Variants in IL10RB observed in about 807,000 individuals in gnomAD.
IL10RB encodes the protein interleukin-10 receptor subunit beta.
In IL10RB, 30 loss-of-function variants were observed where a neutral mutation model predicts 38.7. That is an observed-to-expected ratio of 0.78 (90% CI 0.58 to 1.05). The LOEUF (loss-of-function observed/expected upper bound fraction) is 1.05, where lower values mean the gene tolerates loss of function less well. IL10RB is among the 50% of genes least tolerant of loss of function. IL10RB has a pLI of 0.00. For synonymous variants in IL10RB, 142 were observed against 145.9 expected (o/e 0.97, Z 0.19); for missense variants, 328 against 397.1 (o/e 0.83, Z 1.48).
At chr21:33,276,102 A>C (rs561588502) in intron 2 of IL10RB, among the ~76,000 whole-genome samples, 2 of 152,256 alleles carry the variant, frequency 1.3e-5, no homozygotes, top group Non-Finnish European at 2.9e-5. Context: ...GTAAAATGCA[A>C]TATCTGTGAA....
Position 33,266,683 on chromosome 21 carries a change from T to C in IL10RB, c.49+169T>C, listed in dbSNP as rs1440911317. Among the ~76,000 whole-genome samples, 4 of 152,208 alleles carry C rather than the reference T, an allele frequency of 2.6e-5. No homozygotes were observed. In the East Asian group the frequency reaches 7.7e-4, roughly 29 times the overall value. ...TGCTGAGACGCAACTAGGCTGCTGC[T>C]GCCGTCGATTCTGTAACAGGAGAAA... On this transcript the variant is annotated intron_variant, in intron 1 of 6. Coordinates refer to ENST00000290200, the MANE Select transcript of IL10RB (RefSeq NM_000628.5).
chr21:33,300,702 T>C (rs2082983817), downstream of IL10RB, among the ~76,000 whole-genome samples: 1 of 152,150 alleles, frequency 6.6e-6, no homozygotes, highest in African/African-American at 2.4e-5. Context: ...AATGACCTCA[T>C]AAAAGAGGAG....
chr21:33,268,405 GT>G lies in IL10RB; in HGVS notation c.62del (p.Val21AspfsTer9). The G allele has an allele frequency of 6.2e-7, 1 of 1,613,744 alleles. No homozygotes were observed. On this transcript the variant is annotated frameshift_variant, in exon 2 of 7. Coordinates refer to ENST00000290200, the MANE Select transcript of IL10RB (RefSeq NM_000628.5). LOFTEE classifies it high-confidence loss of function. ...GCLLVSALGM[V>X]PPPENVRMNS... ...TCTTATTTTCATAGCATTGGGAATG[GT>G]ACCACCTCCCGAAAATGTCAGAATG... is the stretch of plus-strand genomic sequence containing the variant.
chr21:33,285,614 G>A (rs1173864893), intron 5 of IL10RB, among the ~76,000 whole-genome samples: 1 of 152,174 alleles, frequency 6.6e-6, no homozygotes, highest in African/African-American at 2.4e-5. Flanking sequence ...TGTTTAAGAT[G>A]CTAAGATGCC....
intron 3 of IL10RB, among the ~76,000 whole-genome samples, chr21:33,279,529 C>T (rs1339850043): frequency 6.6e-6 from 1 of 152,094 alleles, no homozygotes; most frequent in Non-Finnish European, 1.5e-5. Context: ...CCACAATAAA[C>T]ATAAGTGGAC....
At chr21:33,281,311 C>T (rs1250272045) in intron 4 of IL10RB, among the ~76,000 whole-genome samples, 1 of 152,200 alleles carries the variant, frequency 6.6e-6, no homozygotes, top group African/African-American at 2.4e-5. Flanking sequence ...GCAGATTGCT[C>T]CCCTCCGGGA....
chr21:33,296,020 G>T (rs2082964352), intron 6 of IL10RB, among the ~76,000 whole-genome samples, 164 bp from the exon 7 acceptor site: 1 of 151,900 alleles, frequency 6.6e-6, no homozygotes, highest in East Asian at 1.9e-4. Context: ...CTCCAGCCTG[G>T]GTGACAGAGC....
At chr21:33,295,106 C>T (rs2082958561) in intron 6 of IL10RB, among the ~76,000 whole-genome samples, 2 of 152,182 alleles carry the variant, frequency 1.3e-5, no homozygotes, top group Non-Finnish European at 2.9e-5. Flanking sequence ...TGGCTCACGC[C>T]TGTAATCCCA....
Position 33,269,814 on chromosome 21 carries a change from A to G in IL10RB, c.173+1297A>G, listed in dbSNP as rs571930877. 1.4e-4 allele frequency among the ~76,000 whole-genome samples: 22 copies of G among 152,202 alleles called. No individual in the cohort carries two copies. The South Asian group carries it at 4.6e-3, about 32-fold the overall frequency. On this transcript the variant is annotated intron_variant, in intron 2 of 6. Coordinates refer to ENST00000290200, the MANE Select transcript of IL10RB (RefSeq NM_000628.5). ...GATGGGAGTACAGGCTCCCACCACC[A>G]TGCCCAGCTAATTTTTTGTATTTTT...
chr21:33,266,681 G>A (rs1426474039), intron 1 of IL10RB, among the ~76,000 whole-genome samples, 167 bp downstream of exon 1: 2 of 152,228 alleles, frequency 1.3e-5, no homozygotes, highest in Non-Finnish European at 2.9e-5. Flanking sequence ...CTAGGCTGCT[G>A]CTGCCGTCGA....
At chr21:33,296,063 TA>T in intron 6 of IL10RB, 120 bp from the exon 7 acceptor site, 1 of 675,306 alleles carries the variant, frequency 1.5e-6, no homozygotes, top group Non-Finnish European at 2.3e-6. Context: ...AAATAAACAT[TA>T]AAAATAAATA....
At position 33,295,671 on chromosome 21, in the gene IL10RB, C is replaced by CAA. The variant is rs549680649; in HGVS notation, c.805-495_805-494dup. Among the ~76,000 whole-genome samples the CAA allele has an allele frequency of 1.5e-3, 167 of 109,540 alleles. 2 individuals carry two copies. Among genetic ancestry groups the CAA allele is most frequent in the East Asian group, 8.8e-3 (31 of 3,510 alleles). 71.9% of individuals were successfully genotyped at this position (109,540 alleles called of 152,430 possible). A position where few individuals can be genotyped will look rare whatever the true frequency, so the allele number is the denominator to read the frequency against. ...CAGACGACAGAGCGAGACTCCATCT[C>CAA]AAAAAAAAAAAAAAAAAAATCTTCG... On this transcript the variant is annotated intron_variant, in intron 6 of 6. Transcript: ENST00000290200.
chr21:33,281,956 A>G (rs1424120788), intron 4 of IL10RB, among the ~76,000 whole-genome samples: 1 of 152,152 alleles, frequency 6.6e-6, no homozygotes, highest in Non-Finnish European at 1.5e-5. Flanking sequence ...AGGTCCCTCT[A>G]CTACTATGCC....
At chr21:33,303,398 A>G (rs1257393426) in intron 1 of IL10RB, among the ~76,000 whole-genome samples, 1 of 128,212 alleles carries the variant, frequency 7.8e-6, no homozygotes, top group Non-Finnish European at 1.6e-5. Context: ...TCTGTTGCCC[A>G]GGCTGGAATG....
intron 3 of IL10RB, 76 bp from the exon 4 acceptor site, chr21:33,279,676 C>A: frequency 1.6e-6 from 2 of 1,254,236 alleles, no homozygotes; most frequent in Non-Finnish European, 2.3e-6. Context: ...AATTGTTCTG[C>A]ATGGTTATGA....
intron 2 of IL10RB, among the ~76,000 whole-genome samples, chr21:33,273,386 G>A (rs910135263): frequency 2.6e-5 from 4 of 152,056 alleles, no homozygotes; most frequent in African/African-American, 9.7e-5. Flanking sequence ...GTGTGATAGC[G>A]TTATGTCTAA....
chr21:33,305,195 T>C (rs2082995984), intron 1 of IL10RB, among the ~76,000 whole-genome samples: 1 of 152,050 alleles, frequency 6.6e-6, no homozygotes, highest in Non-Finnish European at 1.5e-5. Flanking sequence ...GCAGCTTCCA[T>C]CTCCCCAGGC....
chr21:33,299,348 C>G (rs1015666900), downstream of IL10RB, among the ~76,000 whole-genome samples: 4 of 152,196 alleles, frequency 2.6e-5, no homozygotes, highest in Non-Finnish European at 4.4e-5. Flanking sequence ...TCCAAGAATT[C>G]TGGGACCAGA....
chr21:33,309,998 T>C (rs1376846708), exon 2 of IL10RB: 3 of 152,120 alleles, frequency 2.0e-5, no homozygotes, highest in African/African-American at 7.2e-5. Context: ...ATCGATGAGA[T>C]TAGTGTCCTT....
Sources: gnomAD v4.1 joint callset for allele counts (sites outside exome capture counted in the v4.1 genomes callset) on GRCh38, gnomAD v4.1.1 for gene constraint, MANE v1.5 for transcripts, NCBI Gene and HGNC (gene_info 2026-07-23, HGNC 2026-07-21) for gene names.